CSMD3: variants seen among roughly 807,000 people sequenced by gnomAD.
CSMD3 encodes the protein CUB and sushi domain-containing protein 3.
Under a neutral mutation model 435.2 loss-of-function variants are expected in CSMD3, and 177 were observed. The ratio of observed to expected loss-of-function variants is 0.41; its 90% CI spans 0.36 to 0.46. The LOEUF is 0.46. CSMD3 is among the 20% of genes least tolerant of loss of function. The pLI is 0.34. For missense variants in CSMD3, 4,265 were observed against 4,504.6 expected (o/e 0.95, Z 1.52); for synonymous variants, 1,656 against 1,520.5 (o/e 1.09, Z -2.07).
At chr8:113,386,549 A>ATC (rs144002823) in intron 1 of CSMD3, among the ~76,000 whole-genome samples, 70 of 149,878 alleles carry the variant, frequency 4.7e-4, no homozygotes, top group Middle Eastern at 6.4e-3. Flanking sequence ...GTTAGAATTG[A>ATC]TCTCTCTCTC....
At chr8:112,702,626 A>T (rs541948042) in intron 13 of CSMD3, among the ~76,000 whole-genome samples, 1 of 152,164 alleles carries the variant, frequency 6.6e-6, no homozygotes, top group South Asian at 2.1e-4. Flanking sequence ...TGGTCCCATG[A>T]TAGCCAGGAC....
chr8:112,610,259 A>G (rs1833150528), intron 22 of CSMD3, among the ~76,000 whole-genome samples: 1 of 152,106 alleles, frequency 6.6e-6, no homozygotes, highest in South Asian at 2.1e-4. Flanking sequence ...GCAGATGTAT[A>G]ATTAAAACAT....
At chr8:112,716,520 T>C (rs942692806) in intron 13 of CSMD3, among the ~76,000 whole-genome samples, 1 of 152,176 alleles carries the variant, frequency 6.6e-6, no homozygotes, top group African/African-American at 2.4e-5. Flanking sequence ...ATAAATTCAA[T>C]GTTATTCCCA....
chr8:112,626,923 T>G (rs1183337358), intron 22 of CSMD3, among the ~76,000 whole-genome samples: 1 of 152,154 alleles, frequency 6.6e-6, no homozygotes, highest in Non-Finnish European at 1.5e-5. Flanking sequence ...ATACCGTTAA[T>G]ATATTTTCCT....
rs138617554 is a variant in CSMD3, at chr8:113,127,612, T to G, written c.710-28649A>C. Among the ~76,000 whole-genome samples the G allele has an allele frequency of 6.2e-3, 950 of 152,178 alleles. 4 individuals carry two copies. The highest frequency in any genetic ancestry group is 9.0e-3 in the Non-Finnish European group (611 of 67,978). On this transcript the variant is annotated intron_variant, in intron 4 of 70. Transcript: ENST00000297405. Reference sequence around the variant, plus strand: ...TCTCCACATCACCAGGTTTACTCCTTTCACCTAGGCTTTCATCATATTTAA... The same window carrying G: ...TCTCCACATCACCAGGTTTACTCCTGTCACCTAGGCTTTCATCATATTTAA...
chr8:113,026,959 T>C (rs1229338445), intron 5 of CSMD3, among the ~76,000 whole-genome samples: 1 of 152,210 alleles, frequency 6.6e-6, no homozygotes, highest in East Asian at 1.9e-4. Context: ...ATCTGCATGG[T>C]ATATATCGAA....
rs141976234 is a variant in CSMD3, at chr8:112,558,112, T to C, written c.4043-1158A>G. 3.6e-3 allele frequency among the ~76,000 whole-genome samples: 543 copies of C among 151,900 alleles called. 2 individuals are homozygous for C. Among genetic ancestry groups the C allele is most frequent in the African/African-American group, 0.013 (520 of 41,470 alleles). ...CATGCTGAGTGCTTTGAATGAAAAG[T>C]GATTAGAAGGCCTCAGAAGCAAGGT... is the stretch of plus-strand genomic sequence containing the variant. On this transcript the variant is annotated intron_variant, in intron 24 of 70. Transcript: ENST00000297405.
intron 3 of CSMD3, among the ~76,000 whole-genome samples, chr8:113,194,638 G>A (rs879449870): frequency 2.0e-5 from 3 of 151,210 alleles, no homozygotes; most frequent in Non-Finnish European, 4.4e-5. Flanking sequence ...GAACACGTGA[G>A]TGTGTAGGCG....
At chr8:112,424,988 C>A (rs1311156373) in intron 32 of CSMD3, among the ~76,000 whole-genome samples, 1 of 152,160 alleles carries the variant, frequency 6.6e-6, no homozygotes, top group African/African-American at 2.4e-5. Context: ...CCGCGCTTGA[C>A]CTATTTTTTA....
At chr8:112,390,594 C>A (rs1225089468) in intron 36 of CSMD3, 70 bp downstream of exon 36, 16 of 1,268,058 alleles carry the variant, frequency 1.3e-5, no homozygotes, top group South Asian at 2.4e-5. Context: ...AAATAATGTT[C>A]ATTCTGTCAT....
chr8:112,922,850 C>T (rs1305246260), intron 9 of CSMD3, among the ~76,000 whole-genome samples: 4 of 152,086 alleles, frequency 2.6e-5, no homozygotes, highest in African/African-American at 9.7e-5. Flanking sequence ...TCTTAGACCT[C>T]GTCATGACTC....
At chr8:112,591,613 T>C (rs1029046577) in intron 22 of CSMD3, among the ~76,000 whole-genome samples, 1 of 152,092 alleles carries the variant, frequency 6.6e-6, no homozygotes, top group Non-Finnish European at 1.5e-5. Flanking sequence ...GCAGGCAAAA[T>C]ATACTTGATT....
intron 2 of CSMD3, among the ~76,000 whole-genome samples, chr8:113,295,468 TA>T (rs1363631432): frequency 1.3e-5 from 2 of 152,142 alleles, no homozygotes; most frequent in South Asian, 2.1e-4. Context: ...AACATTAACA[TA>T]AAAAATAATA....
At chr8:113,061,503 A>G (rs910153579) in intron 5 of CSMD3, among the ~76,000 whole-genome samples, 3 of 152,118 alleles carry the variant, frequency 2.0e-5, no homozygotes, top group African/African-American at 7.2e-5. Context: ...AAAAACAAAT[A>G]AACAAAATGG....
At chr8:113,026,677 CT>C (rs1309115005) in intron 5 of CSMD3, among the ~76,000 whole-genome samples, 1 of 152,132 alleles carries the variant, frequency 6.6e-6, no homozygotes, top group Non-Finnish European at 1.5e-5. Flanking sequence ...CATGCCCTAA[CT>C]TTCAGTCTCT....
intron 10 of CSMD3, among the ~76,000 whole-genome samples, chr8:112,867,574 G>T (rs545288947): frequency 7.2e-5 from 11 of 152,052 alleles, no homozygotes; most frequent in Admixed American, 1.3e-4. Context: ...ATAGCCTATT[G>T]CTTCTAATCT....
At chr8:113,417,272 C>T (rs2094586079) in intron 1 of CSMD3, among the ~76,000 whole-genome samples, 1 of 151,782 alleles carries the variant, frequency 6.6e-6, no homozygotes, top group Admixed American at 6.6e-5. Context: ...ATATTGCAAC[C>T]AGGAAGGAAC....
intron 4 of CSMD3, among the ~76,000 whole-genome samples, chr8:113,168,687 G>A (rs2092210630): frequency 6.6e-6 from 1 of 151,758 alleles, no homozygotes; most frequent in South Asian, 2.1e-4. Context: ...TTATATTTAA[G>A]CACTATATGG....
chr8:112,573,123 A>G (rs1323303308), intron 24 of CSMD3, among the ~76,000 whole-genome samples: 1 of 152,136 alleles, frequency 6.6e-6, no homozygotes, highest in East Asian at 1.9e-4. Context: ...TAACTGACCA[A>G]TAATAATCAT....
Sources: allele counts gnomAD v4.1 joint callset (sites outside exome capture counted in the v4.1 genomes callset), GRCh38; gene constraint gnomAD v4.1.1; transcripts MANE v1.5; gene names NCBI Gene and HGNC (gene_info 2026-07-23, HGNC 2026-07-21).